The following ZNF320 variants were observed in gnomAD, a reference collection of about 807,000 sequenced individuals.
The protein encoded by ZNF320 is zinc finger gene 320.
In ZNF320, 2 loss-of-function variants were observed where a neutral mutation model predicts 6.8. That is an observed-to-expected ratio of 0.29 (90% confidence interval 0.12 to 0.93). The LOEUF (loss-of-function observed/expected upper bound fraction) is 0.93. ZNF320 is among the 40% of genes least tolerant of loss of function. The probability of loss-of-function intolerance (pLI) is 0.55; values close to 1 mark genes in which losing one functional copy is unlikely to be tolerated. For synonymous variants in ZNF320, 208 were observed against 203.2 expected (o/e 1.02, Z -0.20); for missense variants, 472 against 611.0 (o/e 0.77, Z 2.40).
At chr19:52,882,093 C>T (rs1568714779) in intron 5 of ZNF320, 110 bp from the exon 6 acceptor site, 1 of 1,131,684 alleles carries the variant, frequency 8.8e-7, no homozygotes, top group Non-Finnish European at 1.2e-6. Flanking sequence ...ACTTCCCAAA[C>T]ATGAGCTTCA....
At chr19:52,892,784 A>AT (rs1388613705) in intron 2 of ZNF320, among the ~76,000 whole-genome samples, 5 of 151,206 alleles carry the variant, frequency 3.3e-5, no homozygotes, top group Non-Finnish European at 5.9e-5. Flanking sequence ...GGCACCCCAG[A>AT]TCCCCAGGTG....
At position 52,880,944 on chromosome 19, in the gene ZNF320, A is replaced by G. The variant is rs61745485; in HGVS notation, c.1182T>C (p.Phe394=). 73,259 of 1,613,364 alleles carry G rather than the reference A, an allele frequency of 0.045. 2,084 individuals are homozygous for G. The highest frequency in any genetic ancestry group is 0.14 in the African/African-American group (10,176 of 75,002). ...GACATGCGAGGTACGCTTTTGTACT[A>G]AAAACCTTGCCACATTCATTACATG... ...PYTCNECGKV[F]STKAYLACHQ... Residue 394 remains phenylalanine, a synonymous_variant, in exon 6 of 6, where the codon TTT becomes TTC. Transcript: ENST00000682928.
At chr19:52,895,000 G>A (rs1303879789) in intron 1 of ZNF320, 1 of 152,202 alleles carries the variant, frequency 6.6e-6, no homozygotes, top group Non-Finnish European at 1.5e-5. Context: ...CTGGAACAAG[G>A]TTCCAAAACA....
downstream of ZNF320, chr19:52,874,074 T>A (rs2063725108): frequency 2.7e-6 from 1 of 375,398 alleles, no homozygotes; most frequent in African/African-American, 2.2e-5. Flanking sequence ...AAATCAATCC[T>A]GTATGTGAAA....
chr19:52,868,049 TACGCCGTTTCTGACAGGACAGTGAA>T (rs2063609396), intron 5 of ZNF320, among the ~76,000 whole-genome samples: 2 of 137,230 alleles, frequency 1.5e-5, no homozygotes, highest in Admixed American at 1.4e-4. Flanking sequence ...CCAGCCAGTC[TACGCCGTTTCTGACAGGACAGTGAA>T]ATGACGGAGA....
downstream of ZNF320, chr19:52,876,094 G>C (rs958707110): frequency 6.6e-6 from 1 of 152,144 alleles, no homozygotes; most frequent in Non-Finnish European, 1.5e-5. Flanking sequence ...TTATGGACCA[G>C]AGGAACTTGA....
chr19:52,869,929 G>T (rs1478832796), intron 5 of ZNF320, among the ~76,000 whole-genome samples: 1 of 151,588 alleles, frequency 6.6e-6, no homozygotes, highest in Non-Finnish European at 1.5e-5. Context: ...TGTTAGCCAG[G>T]ATGGTCTCGA....
chr19:52,860,204 A>G (rs532382086), downstream of ZNF320, among the ~76,000 whole-genome samples: 11 of 152,154 alleles, frequency 7.2e-5, no homozygotes, highest in Middle Eastern at 3.4e-3. Context: ...GAGCCACTGC[A>G]CCTGGCCTGT....
intron 5 of ZNF320, among the ~76,000 whole-genome samples, chr19:52,868,449 T>C (rs2063618504): frequency 1.3e-5 from 2 of 150,572 alleles, no homozygotes; most frequent in Non-Finnish European, 3.0e-5. Context: ...GAGGTTGTGG[T>C]GAGCTCGGAT....
intron 5 of ZNF320, among the ~76,000 whole-genome samples, chr19:52,866,719 C>A (rs1702638869): frequency 6.6e-6 from 1 of 151,828 alleles, no homozygotes; most frequent in African/African-American, 2.4e-5. Flanking sequence ...AAAAATATAA[C>A]CATTAGCCAA....
chr19:52,883,948 G>A (rs980185099), intron 5 of ZNF320, among the ~76,000 whole-genome samples: 2 of 152,234 alleles, frequency 1.3e-5, no homozygotes, highest in East Asian at 1.9e-4. Context: ...AGCTTTGGTA[G>A]ATGTGGTATT....
intron 5 of ZNF320, among the ~76,000 whole-genome samples, chr19:52,869,219 T>C (rs1044295488): frequency 1.3e-5 from 2 of 152,142 alleles, no homozygotes; most frequent in African/African-American, 4.8e-5. Flanking sequence ...AATTACAATA[T>C]GGGCAAGGGA....
At chr19:52,886,372 C>T (rs919046419) in intron 5 of ZNF320, among the ~76,000 whole-genome samples, 3 of 152,226 alleles carry the variant, frequency 2.0e-5, no homozygotes, top group South Asian at 2.1e-4. Flanking sequence ...TGACCTCAGG[C>T]GATCTGCCCA....
At chr19:52,899,556 G>A (rs543623441), upstream of ZNF320, among the ~76,000 whole-genome samples, 12 of 152,192 alleles carry the variant, frequency 7.9e-5, no homozygotes, top group South Asian at 1.0e-3. Flanking sequence ...TCCACCTCCC[G>A]GGTTCACGCC....
downstream of ZNF320, among the ~76,000 whole-genome samples, chr19:52,875,207 T>C (rs2063743891): frequency 6.6e-6 from 1 of 152,206 alleles, no homozygotes; most frequent in African/African-American, 2.4e-5. Context: ...ACTGTCACCC[T>C]CATCTGAGAC....
chr19:52,892,774 G>A (rs35885966), intron 2 of ZNF320, among the ~76,000 whole-genome samples: 5,611 of 149,882 alleles, frequency 0.037, 226 homozygotes, highest in African/African-American at 0.11. Flanking sequence ...CCCACTCTCT[G>A]GCACCCCAGA....
chr19:52,868,934 T>A (rs2063629535), intron 5 of ZNF320, among the ~76,000 whole-genome samples: 1 of 151,996 alleles, frequency 6.6e-6, no homozygotes, highest in African/African-American at 2.4e-5. Context: ...GTGAGAGTAG[T>A]GTTGGAGGGG....
upstream of ZNF320, among the ~76,000 whole-genome samples, chr19:52,900,283 C>T (rs1395478133): frequency 6.6e-6 from 1 of 152,190 alleles, no homozygotes; most frequent in Non-Finnish European, 1.5e-5. Flanking sequence ...TATTATACAA[C>T]TTTTGCCTAA....
At position 52,892,822 on chromosome 19, in the gene ZNF320, TCTC is replaced by T. The variant is rs1206570207; in HGVS notation, c.-192+954_-192+956del. Among the ~76,000 whole-genome samples, 12 of 151,424 alleles carry T rather than the reference TCTC, an allele frequency of 7.9e-5. No homozygotes were observed. In the East Asian group the frequency reaches 9.7e-4, roughly 12 times the overall value. Reference sequence around the variant, plus strand: ...CTCCCTGCTGTGCTTCTCCCTCTGTTCTCCTTGCCACCAGCACCACTCTGCTCT... The same window carrying T: ...CTCCCTGCTGTGCTTCTCCCTCTGTTCTTGCCACCAGCACCACTCTGCTCT... On this transcript the variant is annotated intron_variant, in intron 2 of 5. Coordinates refer to ENST00000682928, the MANE Select transcript of ZNF320 (RefSeq NM_001351774.2).
Sources: gnomAD v4.1 joint callset for allele counts (sites outside exome capture counted in the v4.1 genomes callset) on GRCh38, gnomAD v4.1.1 for gene constraint, MANE v1.5 for transcripts, NCBI Gene and HGNC (gene_info 2026-07-23, HGNC 2026-07-21) for gene names.